The following SERPINB12 variants were observed in gnomAD, a reference collection of about 807,000 sequenced individuals.
The protein encoded by SERPINB12 is serpin family B member 12.
In SERPINB12, 57 loss-of-function variants were observed where a neutral mutation model predicts 41.1. The ratio of observed to expected loss-of-function variants is 1.39; its 90% CI spans 1.12 to 1.73. The LOEUF (loss-of-function observed/expected upper bound fraction) is 1.73, where lower values mean the gene tolerates loss of function less well. SERPINB12 is among the 40% of genes most tolerant of loss of function. The pLI, the probability that SERPINB12 is intolerant of heterozygous loss-of-function variation, is 0.00. For missense variants in SERPINB12, 536 were observed against 501.9 expected (o/e 1.07, Z -0.65); for synonymous variants, 180 against 181.3 (o/e 0.99, Z 0.06).
intron 6 of SERPINB12, among the ~76,000 whole-genome samples, 186 bp from the exon 7 acceptor site, chr18:63,565,259 T>G (rs1399575388): frequency 1.3e-5 from 2 of 152,058 alleles, no homozygotes; most frequent in Non-Finnish European, 2.9e-5. Flanking sequence ...AAAGATAAAG[T>G]GTTGGCAAAG....
the SERPINB12 span, among the ~76,000 whole-genome samples, chr18:63,525,454 C>T: frequency 6.6e-6 from 1 of 151,970 alleles, no homozygotes; most frequent in Non-Finnish European, 1.5e-5. Context: ...GCTTCTCATA[C>T]AACAATTTTT....
chr18:63,523,998 T>A, the SERPINB12 span, among the ~76,000 whole-genome samples: 1 of 152,066 alleles, frequency 6.6e-6, no homozygotes, highest in Non-Finnish European at 1.5e-5. Flanking sequence ...AAGGCAGCAT[T>A]CTCAACCTTA....
Position 63,556,283 on chromosome 18 carries a change from G to C in SERPINB12, c.124G>C (p.Val42Leu), listed in dbSNP as rs1238085235. 6.2e-7 allele frequency: 1 copy of C among 1,614,088 alleles called. No homozygotes were observed. The highest frequency in any genetic ancestry group is 8.5e-7 in the Non-Finnish European group (1 of 1,179,966). Residue 42 changes from valine (V) to leucine (L), a missense_variant, in exon 2 of 8, where the codon GTA becomes CTA. Physicochemically the swap from Val to Leu is conservative, Grantham distance 32. Transcript: ENST00000382768. ...PLSLSAALGM[V>L]RLGARSDSAH... ...GAGCCTCTCAGCTGCCCTTGGTATG[G>C]TACGCTTGGGTGCTAGAAGTGACAG...
chr18:63,545,206 T>C (rs924155345), intron 1 of SERPINB12, among the ~76,000 whole-genome samples: 2 of 151,956 alleles, frequency 1.3e-5, no homozygotes, highest in Non-Finnish European at 2.9e-5. Context: ...CCTGTTGACA[T>C]AGAACTATTT....
chr18:63,559,003 C>CTTTCTTTCTTTCTCTCTTTCTTTCTTTT lies in SERPINB12; in HGVS notation c.303+519_303+520insTCTTTCTTTCTCTCTTTCTTTCTTTTTT, dbSNP rs1491386715. On this transcript the variant is annotated intron_variant, in intron 3 of 7. Transcript: ENST00000382768. ...ATGATTGTCTTTCTTTCTTTCCTTC[C>CTTTCTTTCTTTCTCTCTTTCTTTCTTTT]TTCTTTCTTTCTTTCTTTCTTTCTT... is the stretch of plus-strand genomic sequence containing the variant. 6.4e-5 allele frequency among the ~76,000 whole-genome samples: 5 copies of CTTTCTTTCTTTCTCTCTTTCTTTCTTTT among 78,536 alleles called. 1 individual carries two copies. Among genetic ancestry groups the CTTTCTTTCTTTCTCTCTTTCTTTCTTTT allele is most frequent in the African/African-American group, 2.0e-4 (4 of 19,738 alleles). The allele number at this position is 78,536 out of a possible 152,430, so 51.5% of individuals were successfully genotyped here.
chr18:63,520,822 A>C, the SERPINB12 span, among the ~76,000 whole-genome samples: 1 of 152,212 alleles, frequency 6.6e-6, no homozygotes, highest in Non-Finnish European at 1.5e-5. Context: ...CTACAAGACA[A>C]ATAGAAGGTG....
At chr18:63,544,334 A>G (rs1375660844) in intron 1 of SERPINB12, among the ~76,000 whole-genome samples, 1 of 152,238 alleles carries the variant, frequency 6.6e-6, no homozygotes, top group Non-Finnish European at 1.5e-5. Context: ...TAATGTTATA[A>G]AGATTTGGCT....
At chr18:63,559,059 TC>T (rs1910802252) in intron 3 of SERPINB12, among the ~76,000 whole-genome samples, 1 of 83,088 alleles carries the variant, frequency 1.2e-5, no homozygotes, top group Admixed American at 1.3e-4. Context: ...TCTTTCTTTC[TC>T]TCCTTCTTCT....
At chr18:63,554,505 G>A (rs1014167020) in intron 1 of SERPINB12, among the ~76,000 whole-genome samples, 1 of 152,146 alleles carries the variant, frequency 6.6e-6, no homozygotes, top group Non-Finnish European at 1.5e-5. Context: ...TGCTTATGGT[G>A]TGCTGTATCT....
intron 5 of SERPINB12, among the ~76,000 whole-genome samples, chr18:63,563,372 C>T (rs1346646393): frequency 1.3e-5 from 2 of 152,088 alleles, no homozygotes; most frequent in African/African-American, 4.8e-5. Flanking sequence ...GAAAGATAAA[C>T]CATAGTATAA....
chr18:63,555,141 A>G (rs1910633606), intron 1 of SERPINB12, among the ~76,000 whole-genome samples: 1 of 152,302 alleles, frequency 6.6e-6, no homozygotes, highest in African/African-American at 2.4e-5. Flanking sequence ...ATGGACTAGT[A>G]CACCTGGTGA....
the SERPINB12 span, among the ~76,000 whole-genome samples, chr18:63,525,808 G>C: frequency 2.6e-5 from 4 of 152,088 alleles, no homozygotes; most frequent in African/African-American, 9.7e-5. Context: ...GTAAATATCA[G>C]GCATTTATCA....
intron 1 of SERPINB12, among the ~76,000 whole-genome samples, chr18:63,553,392 G>A (rs966138929): frequency 5.3e-5 from 8 of 152,112 alleles, no homozygotes; most frequent in African/African-American, 1.9e-4. Context: ...GAGAAGTAGG[G>A]AGTTGGCCTG....
intron 1 of SERPINB12, among the ~76,000 whole-genome samples, chr18:63,549,806 T>C (rs1568125506): frequency 6.6e-6 from 1 of 152,264 alleles, no homozygotes; most frequent in African/African-American, 2.4e-5. Context: ...GACCTGCTGG[T>C]GACATCTGCA....
At chr18:63,547,355 T>C (rs1910411102) in intron 1 of SERPINB12, among the ~76,000 whole-genome samples, 2 of 151,516 alleles carry the variant, frequency 1.3e-5, no homozygotes, top group Admixed American at 1.3e-4. Context: ...CAATGTGAGT[T>C]AGATTTTTTT....
the SERPINB12 span, among the ~76,000 whole-genome samples, chr18:63,535,598 A>G: frequency 1.3e-5 from 2 of 152,214 alleles, no homozygotes; most frequent in Non-Finnish European, 2.9e-5. Flanking sequence ...AATGCAATGT[A>G]CAATCCTGGG....
At chr18:63,525,148 GT>G in the SERPINB12 span, among the ~76,000 whole-genome samples, 2 of 151,870 alleles carry the variant, frequency 1.3e-5, no homozygotes, top group African/African-American at 2.4e-5. Context: ...ATGCTTACTG[GT>G]TTTTTTCTAT....
chr18:63,544,117 T>C (rs1479584639), intron 1 of SERPINB12, among the ~76,000 whole-genome samples: 2 of 152,174 alleles, frequency 1.3e-5, no homozygotes, highest in Non-Finnish European at 2.9e-5. Context: ...TTGCAGGCCA[T>C]GTGATTTCTT....
the SERPINB12 span, among the ~76,000 whole-genome samples, chr18:63,524,221 T>C: frequency 6.6e-6 from 1 of 152,230 alleles, no homozygotes; most frequent in Non-Finnish European, 1.5e-5. Flanking sequence ...ATATTAATGC[T>C]CGATTTTTGG....
Sources: allele counts gnomAD v4.1 joint callset (sites outside exome capture counted in the v4.1 genomes callset), GRCh38; gene constraint gnomAD v4.1.1; transcripts MANE v1.5; gene names NCBI Gene and HGNC (gene_info 2026-07-23, HGNC 2026-07-21).